Variants in NRXN1 observed in about 807,000 individuals in gnomAD.
NRXN1 encodes the protein neurexin-1.
A neutral mutation model predicts 150.9 loss-of-function variants in NRXN1; 39 were observed. The observed-to-expected ratio is 0.26, with a 90% CI of 0.20 to 0.34. NRXN1 has a LOEUF of 0.34. Ranked by LOEUF, NRXN1 falls within the 10% of genes least tolerant of loss-of-function variation. The probability of loss-of-function intolerance (pLI) is 1.00; values close to 1 mark genes in which losing one functional copy is unlikely to be tolerated. For synonymous variants in NRXN1, 924 were observed against 757.0 expected (o/e 1.22, Z -3.62); for missense variants, 1,815 against 1,949.9 (o/e 0.93, Z 1.30).
chr2:50,631,472 T>A (rs1682310553), intron 5 of NRXN1: 1 of 158,432 alleles, frequency 6.3e-6, no homozygotes, highest in Non-Finnish European at 1.4e-5. Flanking sequence ...TATGGTCACA[T>A]AACTAACTGA....
rs1362347979 is a variant in NRXN1, at chr2:50,552,514, T to C, written c.1759+73A>G. ...AGGAAGTCTTTAATATGTCTTGGTT[T>C]TCACTTTTAGGAATGGCATGGGTGG... On this transcript the variant is annotated intron_variant, in intron 9 of 22. Transcript: ENST00000401669. 2.9e-5 allele frequency: 35 copies of C among 1,196,420 alleles called. No individual in the cohort carries two copies. In the Admixed American group the frequency reaches 7.3e-4, roughly 25 times the overall value. 74.1% of individuals were successfully genotyped at this position (1,196,420 alleles called of 1,614,324 possible).
chr2:50,791,177 G>A (rs1705949565), intron 5 of NRXN1, among the ~76,000 whole-genome samples: 1 of 149,704 alleles, frequency 6.7e-6, no homozygotes. Flanking sequence ...GTAACTAAGA[G>A]TGAAATCTTT....
chr2:50,768,527 G>C (rs186149645), intron 5 of NRXN1, among the ~76,000 whole-genome samples: 10 of 151,404 alleles, frequency 6.6e-5, no homozygotes, highest in Admixed American at 6.6e-4. Context: ...GGCTGGTCCT[G>C]AACTCCTGAG....
At chr2:50,523,296 C>A (rs2105144109) in intron 12 of NRXN1, among the ~76,000 whole-genome samples, 1 of 152,260 alleles carries the variant, frequency 6.6e-6, no homozygotes, top group South Asian at 2.1e-4. Flanking sequence ...ATTCCTTGAG[C>A]AGCTTCTATC....
intron 5 of NRXN1, among the ~76,000 whole-genome samples, chr2:50,671,359 C>A (rs1349496637): frequency 6.6e-6 from 1 of 150,870 alleles, no homozygotes; most frequent in Non-Finnish European, 1.5e-5. Context: ...CATTTTTTTT[C>A]TGTGTTGATA....
At chr2:50,206,167 A>G (rs2062554633) in intron 18 of NRXN1, among the ~76,000 whole-genome samples, 1 of 152,038 alleles carries the variant, frequency 6.6e-6, no homozygotes, top group African/African-American at 2.4e-5. Context: ...TGCAAAAATT[A>G]TATGTGTGAA....
At chr2:50,719,492 T>C (rs577561197) in intron 5 of NRXN1, among the ~76,000 whole-genome samples, 4 of 151,934 alleles carry the variant, frequency 2.6e-5, no homozygotes, top group South Asian at 2.1e-4. Flanking sequence ...CTGGCCAACA[T>C]AGTGAAATCC....
intron 17 of NRXN1, among the ~76,000 whole-genome samples, chr2:50,382,208 A>G (rs2081021906): frequency 6.6e-6 from 1 of 152,192 alleles, no homozygotes; most frequent in Non-Finnish European, 1.5e-5. Context: ...AATGTCTACT[A>G]TACAGTAGGC....
At chr2:50,436,717 C>T (rs1329005287) in intron 17 of NRXN1, among the ~76,000 whole-genome samples, 3 of 152,146 alleles carry the variant, frequency 2.0e-5, no homozygotes, top group Admixed American at 2.0e-4. Context: ...CATCTTTCAG[C>T]AATGCTCATC....
intron 13 of NRXN1, among the ~76,000 whole-genome samples, chr2:50,500,004 A>G (rs943850317): frequency 6.7e-6 from 1 of 150,274 alleles, no homozygotes; most frequent in African/African-American, 2.5e-5. Context: ...GTTGATTTTT[A>G]TTCTATGCCA....
chr2:50,203,898 G>A (rs1282785807), intron 18 of NRXN1, among the ~76,000 whole-genome samples: 1 of 151,826 alleles, frequency 6.6e-6, no homozygotes, highest in Non-Finnish European at 1.5e-5. Context: ...AGTTTTCCTG[G>A]GGAAAAACAA....
chr2:49,965,759 G>A (rs1367869461), intron 21 of NRXN1, among the ~76,000 whole-genome samples: 2 of 152,148 alleles, frequency 1.3e-5, no homozygotes, highest in East Asian at 3.9e-4. Context: ...TGTTTCTGAG[G>A]CTGTGCTGTC....
chr2:51,030,033 T>C (rs1422125028), intron 1 of NRXN1, among the ~76,000 whole-genome samples: 1 of 152,168 alleles, frequency 6.6e-6, no homozygotes, highest in Non-Finnish European at 1.5e-5. Flanking sequence ...AATCACTCAC[T>C]ATACTATTAA....
In NRXN1 at chr2:50,347,312, G is replaced by C. The variant is rs893280899; in HGVS notation, c.3365-110342C>G. The C allele has an allele frequency of 1.6e-6, 2 of 1,260,282 alleles. No homozygotes were observed. Among genetic ancestry groups the C allele is most frequent in the East Asian group, 5.9e-5 (1 of 17,040 alleles). 78.1% of individuals were successfully genotyped at this position (1,260,282 alleles called of 1,614,324 possible). ...CGGGCGAGAGTGCGTGCCGGCGGGT[G>C]GGGGGCCGAGAAATTGTTTAAAGCT... On this transcript the variant is annotated intron_variant, in intron 17 of 22. Transcript: ENST00000401669. This position sits in a 1 kb window ranked among gnomAD's most constrained non-coding sequence, Gnocchi z 4.9.
At chr2:49,970,366 T>A (rs1474335669) in intron 21 of NRXN1, 4 of 152,018 alleles carry the variant, frequency 2.6e-5, no homozygotes, top group Non-Finnish European at 5.9e-5. Context: ...ATACACATAG[T>A]TTATGATGCA....
intron 17 of NRXN1, among the ~76,000 whole-genome samples, chr2:50,348,296 G>C (rs1420691027): frequency 6.6e-6 from 1 of 152,150 alleles, no homozygotes; most frequent in Non-Finnish European, 1.5e-5. Context: ...AACTCACAAG[G>C]AGGGAAAAGG....
intron 2 of NRXN1, among the ~76,000 whole-genome samples, chr2:51,005,219 T>A (rs1700560716): frequency 6.6e-6 from 1 of 151,992 alleles, no homozygotes; most frequent in African/African-American, 2.4e-5. Flanking sequence ...AGTTTACCTT[T>A]ACCCTGATTA....
At chr2:50,187,648 A>C (rs1002766095) in intron 18 of NRXN1, among the ~76,000 whole-genome samples, 2 of 152,074 alleles carry the variant, frequency 1.3e-5, no homozygotes, top group African/African-American at 4.8e-5. Context: ...TGGTAGCTTC[A>C]TGGGGATGGC....
chr2:50,441,282 T>C (rs2085930277), intron 17 of NRXN1, among the ~76,000 whole-genome samples: 2 of 152,192 alleles, frequency 1.3e-5, no homozygotes, highest in Admixed American at 1.3e-4. Context: ...TATTTCATGG[T>C]AAATGGATTA....
Sources: allele counts gnomAD v4.1 joint callset (sites outside exome capture counted in the v4.1 genomes callset), GRCh38; gene constraint gnomAD v4.1.1; non-coding constraint Gnocchi (gnomAD v3.1); transcripts MANE v1.5; gene names NCBI Gene and HGNC (gene_info 2026-07-23, HGNC 2026-07-21).